The following WSCD2 variants were observed in gnomAD, a reference collection of about 807,000 sequenced individuals.
WSCD2 encodes the protein WSC domain sialate O sulfotransferase 2.
WSCD2 carries 28 observed loss-of-function variants against 55.7 expected under a neutral mutation model. That is an observed-to-expected ratio of 0.50 (90% CI 0.37 to 0.69). The LOEUF is 0.69. Ranked by LOEUF, WSCD2 falls within the 30% of genes least tolerant of loss-of-function variation. WSCD2 has a pLI of 0.00. For missense variants in WSCD2, 616 were observed against 762.1 expected, an observed-to-expected ratio of 0.81 and a Z score of 2.26; for synonymous variants, 301 against 301.9, an observed-to-expected ratio of 1.00 and a Z score of 0.03.
intron 1 of WSCD2, among the ~76,000 whole-genome samples, chr12:108,173,194 A>G (rs1880413001): frequency 6.6e-6 from 1 of 152,160 alleles, no homozygotes; most frequent in South Asian, 2.1e-4. Context: ...CTTCACTAGC[A>G]AAGCCCCAGC....
intron 1 of WSCD2, among the ~76,000 whole-genome samples, chr12:108,157,307 C>T (rs1450615203): frequency 1.3e-5 from 2 of 152,140 alleles, no homozygotes; most frequent in Admixed American, 6.5e-5. Flanking sequence ...TTGGCACAAC[C>T]GATGAACCAA....
intron 4 of WSCD2, among the ~76,000 whole-genome samples, chr12:108,212,613 TCA>T (rs71823965): frequency 0.42 from 58,410 of 138,174 alleles, 12,492 homozygotes; most frequent in East Asian, 0.57. Context: ...TCTCTCTCTC[TCA>T]CACACACACA....
Position 108,183,640 on chromosome 12 carries a change from C to T in WSCD2, c.-551-11642C>T, listed in dbSNP as rs75924923. On this transcript the variant is annotated intron_variant, in intron 1 of 8. Transcript: ENST00000547525. The stretch of plus-strand genomic sequence containing the variant: ...CTTGGGAACCCCTGTGCCTTCTGAG[C>T]GGGCTCTGAGCATTCAGAGGAGAAA... Among the ~76,000 whole-genome samples, 272 of 152,296 alleles carry T rather than the reference C, an allele frequency of 1.8e-3. 1 individual carries two copies. The highest frequency in any genetic ancestry group is 6.0e-3 in the African/African-American group (248 of 41,568).
chr12:108,206,412 C>T lies in WSCD2; in HGVS notation c.497+9C>T, dbSNP rs777321219. 1.2e-5 allele frequency: 20 copies of T among 1,612,610 alleles called. No individual in the cohort carries two copies. The South Asian group carries it at 1.9e-4, about 15-fold the overall frequency. On this transcript the variant is annotated intron_variant, in intron 3 of 8. Transcript: ENST00000547525. ...GACAACTGTGCTGAACGGTAGGGTC[C>T]CAGCATCCCAGACTTGTCCATTTCA...
Position 108,212,886 on chromosome 12 carries a change from G to A in WSCD2, c.682+2581G>A, listed in dbSNP as rs150247310. Among the ~76,000 whole-genome samples, 580 of 152,234 alleles carry A rather than the reference G, an allele frequency of 3.8e-3. 2 individuals carry two copies. Among genetic ancestry groups the A allele is most frequent in the African/African-American group, 0.013 (549 of 41,518 alleles). ...CCTGGATTCTCTAAAGTCCATCACCGTTGTTCCGAATCATCGCCATGTAAG... is the reference window on the plus strand; with the variant it reads ...CCTGGATTCTCTAAAGTCCATCACCATTGTTCCGAATCATCGCCATGTAAG... On this transcript the variant is annotated intron_variant, in intron 4 of 8. Transcript: ENST00000547525.
At position 108,248,106 on chromosome 12, in the gene WSCD2, CTT is replaced by C; in HGVS notation, c.1463_1464del (p.Phe488CysfsTer41). ...VHFEDLKQDLFVQLGRMVSLL... is the reference protein window; with the variant it reads ...VHFEDLKQDLXVQLGRMVSLL... ...ACTTTGAGGACCTGAAGCAGGACCT[CTT>C]TGTCCAGCTGGGCCGGATGGTCAGC... On this transcript the variant is annotated frameshift_variant, in exon 9 of 9. Transcript: ENST00000547525. LOFTEE classifies it high-confidence loss of function. This position sits in a 1 kb window ranked among gnomAD's most constrained non-coding sequence, Gnocchi z 4.3. The C allele has an allele frequency of 6.2e-7, 1 of 1,614,222 alleles. No homozygotes were observed. Among genetic ancestry groups the C allele is most frequent in the Non-Finnish European group, 8.5e-7 (1 of 1,180,052 alleles).
intron 1 of WSCD2, among the ~76,000 whole-genome samples, chr12:108,143,323 T>C (rs1371025484): frequency 6.6e-6 from 1 of 152,104 alleles, no homozygotes; most frequent in Non-Finnish European, 1.5e-5. Flanking sequence ...CGCTGCTGTT[T>C]GATCAGGTCA....
chr12:108,226,402 A>G (rs775277340), intron 5 of WSCD2, among the ~76,000 whole-genome samples: 3 of 152,114 alleles, frequency 2.0e-5, no homozygotes, highest in Non-Finnish European at 2.9e-5. Flanking sequence ...GCAGACTCAG[A>G]CAGCTTTTCC....
chr12:108,200,423 C>G (rs181690970), intron 2 of WSCD2, among the ~76,000 whole-genome samples: 4 of 152,238 alleles, frequency 2.6e-5, no homozygotes, highest in Admixed American at 6.5e-5. Context: ...TTCTTAACCA[C>G]TGGACTTATA....
At chr12:108,211,650 T>TATATATAC (rs1491203752) in intron 4 of WSCD2, among the ~76,000 whole-genome samples, 1 of 124,670 alleles carries the variant, frequency 8.0e-6, no homozygotes, top group African/African-American at 2.8e-5. Flanking sequence ...TATATATATA[T>TATATATAC]ACATATATAT....
intron 1 of WSCD2, chr12:108,131,649 A>G (rs554138697): frequency 3.3e-4 from 50 of 152,306 alleles, no homozygotes; most frequent in African/African-American, 9.9e-4. Flanking sequence ...TTCCCCAGGG[A>G]GGCTGGCCCT....
At chr12:108,143,616 C>T (rs1184548329) in intron 1 of WSCD2, among the ~76,000 whole-genome samples, 4 of 152,116 alleles carry the variant, frequency 2.6e-5, no homozygotes, top group South Asian at 2.1e-4. Flanking sequence ...TGGTAAATCA[C>T]GCCTATTATG....
chr12:108,224,957 C>A, intron 5 of WSCD2, 97 bp downstream of exon 5: 1 of 1,522,172 alleles, frequency 6.6e-7, no homozygotes, highest in South Asian at 1.3e-5. Context: ...ACAGCTCAGT[C>A]GGGATAGATG....
At chr12:108,211,410 T>A (rs1886120154) in intron 4 of WSCD2, among the ~76,000 whole-genome samples, 6 of 152,154 alleles carry the variant, frequency 3.9e-5, no homozygotes, top group Admixed American at 3.9e-4. Flanking sequence ...AGATGCTGCA[T>A]TTCTAAAGAG....
intron 1 of WSCD2, among the ~76,000 whole-genome samples, chr12:108,186,442 ACATGTGTCCAC>A (rs1355972872): frequency 1.3e-5 from 2 of 152,212 alleles, no homozygotes; most frequent in Non-Finnish European, 2.9e-5. Flanking sequence ...ATGTATAATG[ACATGTGTCCAC>A]CATTATAGTA....
chr12:108,208,381 G>A (rs893609758), intron 3 of WSCD2, among the ~76,000 whole-genome samples: 4 of 152,202 alleles, frequency 2.6e-5, no homozygotes, highest in Non-Finnish European at 5.9e-5. Flanking sequence ...GGAAACCAGG[G>A]TACAGAGACA....
intron 3 of WSCD2, among the ~76,000 whole-genome samples, chr12:108,206,619 G>C (rs146258650): frequency 2.0e-5 from 3 of 152,356 alleles, no homozygotes; most frequent in African/African-American, 7.2e-5. Flanking sequence ...GGGAGTCTGT[G>C]GTTGTGCAAC....
chr12:108,249,227 C>G lies in WSCD2; in HGVS notation c.*884C>G, dbSNP rs921673663. ...ATGGTGGGCTCCAGTCAGTCTTACA[C>G]TGCCCTTCTGACCCCTACAAATGGG... On this transcript the variant is annotated 3_prime_UTR_variant, in exon 9 of 9. Transcript: ENST00000547525. 1.3e-5 allele frequency: 2 copies of G among 152,658 alleles called. No homozygotes were observed. Among genetic ancestry groups the G allele is most frequent in the Non-Finnish European group, 2.9e-5 (2 of 68,056 alleles). The allele number at this position is 152,658 out of a possible 1,614,324, so 9.5% of individuals were successfully genotyped here.
chr12:108,204,145 G>A (rs189429778), intron 2 of WSCD2, among the ~76,000 whole-genome samples: 12 of 152,220 alleles, frequency 7.9e-5, no homozygotes, highest in Admixed American at 7.2e-4. Context: ...TAAAAAATGA[G>A]ACATGGCCCA....
Sources: gnomAD v4.1 joint callset for allele counts (sites outside exome capture counted in the v4.1 genomes callset) on GRCh38, gnomAD v4.1.1 for gene constraint, Gnocchi (gnomAD v3.1) non-coding constraint, MANE v1.5 for transcripts, NCBI Gene and HGNC (gene_info 2026-07-23, HGNC 2026-07-21) for gene names.